FHIT: variants seen among roughly 807,000 people sequenced by gnomAD.
FHIT encodes fragile histidine triad diadenosine triphosphatase, also known as bis(5'-adenosyl)-triphosphatase.
Under a neutral mutation model 17.9 loss-of-function variants are expected in FHIT, and 19 were observed. The ratio of observed to expected loss-of-function variants is 1.06; its 90% CI spans 0.74 to 1.56. FHIT has a LOEUF of 1.56. Ranked by LOEUF, FHIT falls within the 40% of genes most tolerant of loss-of-function variation. The pLI, the probability that FHIT is intolerant of heterozygous loss-of-function variation, is 0.00. For synonymous variants in FHIT, 81 were observed against 69.7 expected (o/e 1.16, Z -0.81); for missense variants, 248 against 189.2 (o/e 1.31, Z -1.82).
At chr3:60,348,947 T>C (rs374524453) in intron 5 of FHIT, among the ~76,000 whole-genome samples, 3 of 152,320 alleles carry the variant, frequency 2.0e-5, no homozygotes, top group East Asian at 1.9e-4. Context: ...TGACATGTGA[T>C]TGAACTTAGC....
intron 4 of FHIT, among the ~76,000 whole-genome samples, chr3:60,667,985 A>G (rs1053660688): frequency 6.6e-6 from 1 of 152,038 alleles, no homozygotes; most frequent in Non-Finnish European, 1.5e-5. Context: ...GGGGTCTGCC[A>G]TCTGCCTCAG....
At chr3:60,592,832 A>G (rs1206799263) in intron 4 of FHIT, among the ~76,000 whole-genome samples, 1 of 152,116 alleles carries the variant, frequency 6.6e-6, no homozygotes, top group African/African-American at 2.4e-5. Flanking sequence ...CTGAGTCTGG[A>G]GAGAGTGAGT....
At chr3:60,645,173 A>T (rs1312322098) in intron 4 of FHIT, among the ~76,000 whole-genome samples, 1 of 151,904 alleles carries the variant, frequency 6.6e-6, no homozygotes, top group Non-Finnish European at 1.5e-5. Flanking sequence ...ATCAAAAACA[A>T]CCCCACGTTG....
At chr3:59,930,322 AC>A (rs1705905835) in intron 7 of FHIT, among the ~76,000 whole-genome samples, 1 of 152,096 alleles carries the variant, frequency 6.6e-6, no homozygotes, top group Admixed American at 6.5e-5. Context: ...CAGAGCACAG[AC>A]CCCACTTGTA....
At chr3:61,234,703 A>T (rs2040187304) in intron 1 of FHIT, among the ~76,000 whole-genome samples, 1 of 152,166 alleles carries the variant, frequency 6.6e-6, no homozygotes, top group Non-Finnish European at 1.5e-5. Flanking sequence ...GCAGTTGGTA[A>T]GAAAATTTCT....
chr3:60,997,397 A>C (rs1279679747), intron 3 of FHIT, among the ~76,000 whole-genome samples: 1 of 152,134 alleles, frequency 6.6e-6, no homozygotes, highest in Non-Finnish European at 1.5e-5. Context: ...TTTTACATAA[A>C]GATCTAAATT....
intron 5 of FHIT, among the ~76,000 whole-genome samples, chr3:60,275,313 T>C (rs1020703380): frequency 2.0e-5 from 3 of 152,092 alleles, no homozygotes; most frequent in African/African-American, 7.2e-5. Flanking sequence ...CAAGACCCTC[T>C]CTGTGCCACA....
intron 7 of FHIT, among the ~76,000 whole-genome samples, chr3:60,002,792 G>A (rs897008483): frequency 3.3e-5 from 5 of 152,152 alleles, no homozygotes; most frequent in African/African-American, 9.7e-5. Flanking sequence ...AAAGAGAAGC[G>A]CCTGAGGGGA....
chr3:60,730,714 G>C (rs781824773), intron 4 of FHIT: 2 of 152,444 alleles, frequency 1.3e-5, no homozygotes, highest in Non-Finnish European at 2.9e-5. Context: ...CCACCCTACT[G>C]CCTTCGCCTA....
At chr3:59,844,875 G>T (rs1222960139) in intron 8 of FHIT, among the ~76,000 whole-genome samples, 1 of 152,086 alleles carries the variant, frequency 6.6e-6, no homozygotes, top group East Asian at 1.9e-4. Flanking sequence ...AAAAAGATCG[G>T]TTTAGTTGTT....
chr3:60,147,800 C>T (rs981394232), intron 5 of FHIT, among the ~76,000 whole-genome samples: 1 of 152,078 alleles, frequency 6.6e-6, no homozygotes, highest in Non-Finnish European at 1.5e-5. Context: ...GAATGTGTGC[C>T]TCATGGAGCA....
chr3:61,095,160 C>A (rs2035600809), intron 2 of FHIT, among the ~76,000 whole-genome samples: 1 of 152,148 alleles, frequency 6.6e-6, no homozygotes, highest in Non-Finnish European at 1.5e-5. Flanking sequence ...TTAATCTATC[C>A]ATTTACTACT....
chr3:60,075,341 T>G (rs910349815), intron 5 of FHIT, among the ~76,000 whole-genome samples: 2 of 152,174 alleles, frequency 1.3e-5, no homozygotes, highest in Middle Eastern at 3.4e-3. Context: ...GATCCACGAA[T>G]GTAAGCACCA....
At chr3:61,211,484 G>A (rs770804088) in intron 1 of FHIT, among the ~76,000 whole-genome samples, 2 of 152,226 alleles carry the variant, frequency 1.3e-5, no homozygotes, top group Non-Finnish European at 2.9e-5. Context: ...GCTTGCTTAG[G>A]TAAACAAAGC....
intron 3 of FHIT, among the ~76,000 whole-genome samples, chr3:61,004,269 C>T (rs2031295809): frequency 6.6e-6 from 1 of 152,204 alleles, no homozygotes; most frequent in Non-Finnish European, 1.5e-5. Flanking sequence ...GCTCCCCAAT[C>T]AACTCTACCA....
chr3:59,956,799 AACT>A (rs1256148192), intron 7 of FHIT, among the ~76,000 whole-genome samples: 7 of 152,236 alleles, frequency 4.6e-5, no homozygotes, highest in African/African-American at 1.4e-4. Context: ...GAAGCACTGA[AACT>A]ACTACCTGGC....
intron 4 of FHIT, among the ~76,000 whole-genome samples, chr3:60,790,551 G>A (rs542823266): frequency 6.7e-4 from 102 of 152,264 alleles, no homozygotes; most frequent in Admixed American, 1.6e-3. Flanking sequence ...GAAACCTGCA[G>A]TTTTTCCAAC....
chr3:60,069,684 T>C (rs1702679955), intron 5 of FHIT, among the ~76,000 whole-genome samples: 1 of 152,216 alleles, frequency 6.6e-6, no homozygotes, highest in African/African-American at 2.4e-5. Context: ...AAGTTTCTTC[T>C]TGGAAAGACA....
At chr3:60,726,585 T>C (rs1293725627) in intron 4 of FHIT, among the ~76,000 whole-genome samples, 2 of 152,120 alleles carry the variant, frequency 1.3e-5, no homozygotes, top group Non-Finnish European at 2.9e-5. Context: ...AATAACTTTA[T>C]GGCAGAAAAG....
Sources: gnomAD v4.1 joint callset for allele counts (sites outside exome capture counted in the v4.1 genomes callset) on GRCh38, gnomAD v4.1.1 for gene constraint, MANE v1.5 for transcripts, NCBI Gene and HGNC (gene_info 2026-07-23, HGNC 2026-07-21) for gene names.